ANKRD24: variants seen among roughly 807,000 people sequenced by gnomAD.
ANKRD24 encodes ankyrin repeat domain-containing protein 24.
Under a neutral mutation model 127.8 loss-of-function variants are expected in ANKRD24, and 109 were observed. That is an observed-to-expected ratio of 0.85 (90% confidence interval 0.73 to 1.00). The LOEUF (loss-of-function observed/expected upper bound fraction) is 1.00, where lower values mean the gene tolerates loss of function less well. ANKRD24 is among the 50% of genes least tolerant of loss of function. The pLI is 0.00. For synonymous variants in ANKRD24, 743 were observed against 671.1 expected, an observed-to-expected ratio of 1.11 and a Z score of -1.66; for missense variants, 1,648 against 1,570.2, an observed-to-expected ratio of 1.05 and a Z score of -0.84.
chr19:4,217,293 T>A lies in ANKRD24; in HGVS notation c.2133T>A (p.His711Gln). ...GGATCTCTGCTGGCCCCATCCTACA[T>A]CCTGGTGCCGCAGAGGCCTCGGAAA... ...VPGISAGPIL[H>Q]PGAAEASEKL... Residue 711 changes from histidine to glutamine, a missense_variant, in exon 18 of 22, where the codon CAT becomes CAA. By Grantham distance (24) the His-to-Gln change is conservative. Transcript: ENST00000318934. 6.4e-7 allele frequency: 1 copy of A among 1,556,086 alleles called. No individual in the cohort carries two copies. Among genetic ancestry groups the A allele is most frequent in the South Asian group, 1.2e-5 (1 of 84,496 alleles).
At chr19:4,185,735 A>T (rs536633474) in intron 1 of ANKRD24, among the ~76,000 whole-genome samples, 1 of 152,308 alleles carries the variant, frequency 6.6e-6, no homozygotes, top group Admixed American at 6.5e-5. Context: ...TGTAGCAAAC[A>T]TGCCTCTGTG....
chr19:4,198,135 T>C lies in ANKRD24; in HGVS notation c.37-1548T>C, dbSNP rs1346846903. 2.3e-5 allele frequency: 12 copies of C among 517,206 alleles called. No individual in the cohort carries two copies. The highest frequency in any genetic ancestry group is 8.1e-5 in the Admixed American group (2 of 24,824). 32.0% of individuals were successfully genotyped at this position (517,206 alleles called of 1,614,324 possible). A position where few individuals can be genotyped will look rare whatever the true frequency, so the allele number is the denominator to read the frequency against. On this transcript the variant is annotated intron_variant, in intron 2 of 21. Coordinates refer to ENST00000318934, the MANE Select transcript of ANKRD24 (RefSeq NM_001393985.1). The surrounding 1 kb of genome is among the most constrained non-coding windows in gnomAD (Gnocchi z 6.1). ...TGGAGATGGACGCCCGCGGGTCCCC[T>C]GGAGATGCAGCCGGCGGCCTGCGCT... is the stretch of plus-strand genomic sequence containing the variant.
chr19:4,207,872 C>A lies in ANKRD24; in HGVS notation c.736C>A (p.Leu246Met). The A allele has an allele frequency of 1.3e-6, 2 of 1,560,752 alleles. No homozygotes were observed. The highest frequency in any genetic ancestry group is 2.1e-5 in the Admixed American group (1 of 48,456). Residue 246 changes from leucine to methionine, a missense_variant, in exon 10 of 22, where the codon CTG (leucine) becomes ATG (methionine). Leu to Met is a conservative substitution (Grantham distance 15). Transcript: ENST00000318934. ...AGCCCAGCCGGGCATCACCGATGCG[C>A]TGGGGCAGGACGCGGCTCACTATGG... ...GGAQPGITDA[L>M]GQDAAHYGAL...
In ANKRD24 at chr19:4,222,461, G is replaced by A. The variant is rs979736117; in HGVS notation, c.3172-209G>A. On this transcript the variant is annotated intron_variant, in intron 19 of 21. Coordinates refer to ENST00000318934, the MANE Select transcript of ANKRD24 (RefSeq NM_001393985.1). ...TGTGGGTTGTATAAAAACAGGCTGT[G>A]TTGGTAACCATAAGCATCTAAAATA... 2.0e-5 allele frequency among the ~76,000 whole-genome samples: 3 copies of A among 152,222 alleles called. No homozygotes were observed. The East Asian group carries it at 5.8e-4, about 29-fold the overall frequency.
At chr19:4,194,525 C>A (rs150683955) in intron 2 of ANKRD24, among the ~76,000 whole-genome samples, 14 of 152,286 alleles carry the variant, frequency 9.2e-5, no homozygotes, top group African/African-American at 3.1e-4. Context: ...TCTCCCCCCT[C>A]CAACGACTCA....
rs139221641 is a variant in ANKRD24 at position 4,195,060 on chromosome 19, TTTTG to T, written c.37-4599_37-4596del. 4.8e-4 allele frequency among the ~76,000 whole-genome samples: 71 copies of T among 148,532 alleles called. 1 individual carries two copies. In the South Asian group the frequency reaches 0.012, roughly 26 times the overall value. On this transcript the variant is annotated intron_variant, in intron 2 of 21. Coordinates refer to ENST00000318934, the MANE Select transcript of ANKRD24 (RefSeq NM_001393985.1). This position sits in a 1 kb window ranked among gnomAD's most constrained non-coding sequence, Gnocchi z 4.2. ...TCGGCGTGAGCCACCGCGCCCAGGT[TTTTG>T]TTTGTTTGTTTGTTTGTTTGTTTTT...
chr19:4,216,520 C>A, intron 17 of ANKRD24, 30 bp from the exon 18 acceptor site: 1 of 1,578,976 alleles, frequency 6.3e-7, no homozygotes, highest in South Asian at 1.2e-5. Flanking sequence ...CAACTCCTGC[C>A]AGACTCCTGC....
At position 4,217,967 on chromosome 19, in the gene ANKRD24, T is replaced by C. The variant is rs1970215887; in HGVS notation, c.2807T>C (p.Leu936Pro). The part of the protein sequence containing the change: ...ALELRGRAAS[L>P]EQEVVATGKE... ...GAGCTGCGGGGCCGGGCAGCCAGTC[T>C]GGAGCAGGAGGTGGTGGCCACGGGC... is the stretch of plus-strand genomic sequence containing the variant. The change falls in exon 18 of 22, where the codon CTG becomes CCG. Residue 936 changes from leucine to proline, a missense_variant. Transcript: ENST00000318934. 12 of 1,516,686 alleles carry C rather than the reference T, an allele frequency of 7.9e-6. No individual in the cohort carries two copies. Among genetic ancestry groups the C allele is most frequent in the Non-Finnish European group, 1.1e-5 (12 of 1,139,868 alleles). 94.0% of individuals were successfully genotyped at this position (1,516,686 alleles called of 1,614,324 possible). A position where few individuals can be genotyped will look rare whatever the true frequency, so the allele number is the denominator to read the frequency against.
At position 4,216,042 on chromosome 19, in the gene ANKRD24, A is replaced by C; in HGVS notation, c.1262A>C (p.Asp421Ala). ...TLQDEEGELPDLPGAEVLLSR... is the reference protein window; with the variant it reads ...TLQDEEGELPALPGAEVLLSR... ...CAGGATGAGGAGGGTGAGCTGCCTG[A>C]CCTTCCAGGTGAGCCCCCACCTCCC... Residue 421 changes from aspartate (D) to alanine (A), a missense_variant, in exon 16 of 22, where the codon GAC becomes GCC. Asp to Ala is a moderately radical substitution (Grantham distance 126). Coordinates refer to ENST00000318934, the MANE Select transcript of ANKRD24 (RefSeq NM_001393985.1). 6.3e-7 allele frequency: 1 copy of C among 1,597,058 alleles called. No individual in the cohort carries two copies. The highest frequency in any genetic ancestry group is 8.5e-7 in the Non-Finnish European group (1 of 1,172,642).
chr19:4,216,958 A>G lies in ANKRD24; in HGVS notation c.1798A>G (p.Lys600Glu), dbSNP rs185531900. ...EATGAKVTET[K>E]PTGAEVREME... is the part of the protein sequence containing the mutation. ...CACAGGAGCCAAGGTCACAGAAACA[A>G]AACCCACAGGGGCTGAGGTCAGAGA... Residue 600 changes from lysine (K) to glutamate (E), a missense_variant, in exon 18 of 22, where the codon AAA becomes GAA. By Grantham distance (56) the Lys-to-Glu change is moderately conservative. Coordinates refer to ENST00000318934, the MANE Select transcript of ANKRD24 (RefSeq NM_001393985.1). 6.8e-6 allele frequency: 11 copies of G among 1,612,042 alleles called. No homozygotes were observed. The highest frequency in any genetic ancestry group is 5.0e-5 in the Admixed American group (3 of 59,540).
chr19:4,198,434 T>G lies in ANKRD24; in HGVS notation c.37-1249T>G. 1.7e-6 allele frequency: 1 copy of G among 593,746 alleles called. No homozygotes were observed. 36.8% of individuals were successfully genotyped at this position (593,746 alleles called of 1,614,324 possible). Reference sequence around the variant, plus strand: ...CGCTCCCCGCGGTCCCTCCAGACCCTCTGGCCGCCGCCTCCTCTTGGAACC... The same window carrying G: ...CGCTCCCCGCGGTCCCTCCAGACCCGCTGGCCGCCGCCTCCTCTTGGAACC... On this transcript the variant is annotated intron_variant, in intron 2 of 21. Transcript: ENST00000318934. The surrounding 1 kb of genome is among the most constrained non-coding windows in gnomAD (Gnocchi z 6.1).
At chr19:4,200,721 T>G (rs1969052030) in intron 5 of ANKRD24, among the ~76,000 whole-genome samples, 1 of 152,050 alleles carries the variant, frequency 6.6e-6, no homozygotes, top group Non-Finnish European at 1.5e-5. Context: ...GGGGTCTCCC[T>G]GTGTTGCCCA....
chr19:4,204,859 T>C (rs1969296178), intron 7 of ANKRD24, among the ~76,000 whole-genome samples: 1 of 152,192 alleles, frequency 6.6e-6, no homozygotes, highest in African/African-American at 2.4e-5. Context: ...CTGAGCACTC[T>C]GGGAGGCCCA....
rs1298825955 is a variant in ANKRD24 at position 4,199,234 on chromosome 19, G to C, written c.37-449G>C. Among the ~76,000 whole-genome samples, 2 of 152,024 alleles carry C rather than the reference G, an allele frequency of 1.3e-5. No homozygotes were observed. The highest frequency in any genetic ancestry group is 2.9e-5 in the Non-Finnish European group (2 of 67,982). Reference sequence around the variant, plus strand: ...GTTGCAGGGGTGGCTTTCACTAAGGGATGAATTGGGGGACAACTTTTTTTA... The same window carrying C: ...GTTGCAGGGGTGGCTTTCACTAAGGCATGAATTGGGGGACAACTTTTTTTA... On this transcript the variant is annotated intron_variant, in intron 2 of 21. Coordinates refer to ENST00000318934, the MANE Select transcript of ANKRD24 (RefSeq NM_001393985.1). The surrounding 1 kb of genome is among the most constrained non-coding windows in gnomAD (Gnocchi z 5.2).
At chr19:4,213,409 C>T (rs543914274) in intron 15 of ANKRD24, among the ~76,000 whole-genome samples, 38 of 147,936 alleles carry the variant, frequency 2.6e-4, no homozygotes, top group Middle Eastern at 3.5e-3. Flanking sequence ...TTCTTCCTTT[C>T]CTTTCCTTTT....
rs1599463357 is a variant in ANKRD24, at chr19:4,217,622, G to A, written c.2462G>A (p.Ser821Asn). ...ASACLDEARA[S>N]RLLAEEEARG... Reference sequence around the variant, plus strand: ...GCCTGCCTGGATGAGGCTCGGGCCAGCCGGCTGCTGGCGGAGGAGGAGGCG... The same window carrying A: ...GCCTGCCTGGATGAGGCTCGGGCCAACCGGCTGCTGGCGGAGGAGGAGGCG... Residue 821 changes from serine (S) to asparagine (N), a missense_variant, in exon 18 of 22, where the codon AGC becomes AAC. By Grantham distance (46) the Ser-to-Asn change is conservative (BLOSUM62 1). Transcript: ENST00000318934. The A allele has an allele frequency of 7.8e-7, 1 of 1,288,306 alleles. No individual in the cohort carries two copies. The highest frequency in any genetic ancestry group is 3.3e-5 in the East Asian group (1 of 30,302). The allele number at this position is 1,288,306 out of a possible 1,614,324, so 79.8% of individuals were successfully genotyped here.
At position 4,217,545 on chromosome 19, in the gene ANKRD24, G is replaced by A. The variant is rs1457720123; in HGVS notation, c.2385G>A (p.Arg795=). 8.3e-6 allele frequency: 11 copies of A among 1,327,264 alleles called. No individual in the cohort carries two copies. The highest frequency in any genetic ancestry group is 1.1e-5 in the Non-Finnish European group (11 of 1,043,490). 82.2% of individuals were successfully genotyped at this position (1,327,264 alleles called of 1,614,324 possible). Residue 795 remains arginine (R), a synonymous_variant, in exon 18 of 22, where the codon CGG becomes CGA. Coordinates refer to ENST00000318934, the MANE Select transcript of ANKRD24 (RefSeq NM_001393985.1). ...TQLRAALEQA[R]EDLRDRDSRL... is the part of the protein sequence containing the mutation. ...TGCGGGCGGCCCTGGAGCAGGCCCGGGAGGACCTCCGAGACCGGGACTCCC... is the reference window on the plus strand; with the variant it reads ...TGCGGGCGGCCCTGGAGCAGGCCCGAGAGGACCTCCGAGACCGGGACTCCC...
At chr19:4,218,418 G>C (rs1016533534) in intron 18 of ANKRD24, among the ~76,000 whole-genome samples, 2 of 151,902 alleles carry the variant, frequency 1.3e-5, no homozygotes, top group African/African-American at 4.8e-5. Flanking sequence ...TCCTGCCTCA[G>C]CCTCCGGAGT....
chr19:4,187,804 A>T (rs1968153480), intron 2 of ANKRD24, among the ~76,000 whole-genome samples: 1 of 152,168 alleles, frequency 6.6e-6, no homozygotes, highest in Non-Finnish European at 1.5e-5. Context: ...GAAATCAGGG[A>T]GTCTGCCTGG....
Sources: allele counts gnomAD v4.1 joint callset (sites outside exome capture counted in the v4.1 genomes callset), GRCh38; gene constraint gnomAD v4.1.1; non-coding constraint Gnocchi (gnomAD v3.1); transcripts MANE v1.5; gene names NCBI Gene and HGNC (gene_info 2026-07-23, HGNC 2026-07-21).